The following STPG2 variants were observed in gnomAD, a reference collection of about 807,000 sequenced individuals.
STPG2 encodes sperm-tail PG-rich repeat-containing protein 2.
STPG2 carries 56 observed loss-of-function variants against 54.2 expected under a neutral mutation model. That is an observed-to-expected ratio of 1.03 (90% CI 0.83 to 1.29). STPG2 has a LOEUF of 1.29. Ranked by LOEUF, STPG2 falls within the 50% of genes most tolerant of loss-of-function variation. The pLI, the probability that STPG2 is intolerant of heterozygous loss-of-function variation, is 0.00. For missense variants in STPG2, 596 were observed against 544.9 expected (o/e 1.09, Z -0.93); for synonymous variants, 200 against 181.8 (o/e 1.10, Z -0.81).
intron 9 of STPG2, among the ~76,000 whole-genome samples, chr4:97,745,328 A>T (rs1004499503): frequency 5.3e-5 from 8 of 150,858 alleles, no homozygotes; most frequent in African/African-American, 1.5e-4. Context: ...CAAATCAATA[A>T]AAAGCAATTA....
At chr4:97,791,675 C>T (rs572893369) in intron 9 of STPG2, among the ~76,000 whole-genome samples, 12 of 152,022 alleles carry the variant, frequency 7.9e-5, no homozygotes, top group South Asian at 4.2e-4. Context: ...CTACTATTAT[C>T]AGGATTATTA....
intron 9 of STPG2, among the ~76,000 whole-genome samples, chr4:97,717,389 G>T (rs1724323304): frequency 6.6e-6 from 1 of 152,154 alleles, no homozygotes; most frequent in Non-Finnish European, 1.5e-5. Flanking sequence ...CTATTTTAAT[G>T]CACTCCAAAC....
chr4:97,565,586 T>TG, intron 10 of STPG2, among the ~76,000 whole-genome samples: 1 of 152,300 alleles, frequency 6.6e-6, no homozygotes. Context: ...TGGTCTTTGA[T>TG]GATGTGATGT....
At chr4:98,023,214 T>A (rs1736288214) in intron 5 of STPG2, among the ~76,000 whole-genome samples, 5 of 152,212 alleles carry the variant, frequency 3.3e-5, no homozygotes, top group Admixed American at 1.3e-4. Flanking sequence ...GTCCTTTCTG[T>A]TTGTTAGTTT....
intron 7 of STPG2, among the ~76,000 whole-genome samples, chr4:97,971,342 C>T (rs945340427): frequency 1.3e-5 from 2 of 152,264 alleles, no homozygotes; most frequent in African/African-American, 4.8e-5. Context: ...ACTATAAAGA[C>T]ACATGCACAC....
intron 8 of STPG2, among the ~76,000 whole-genome samples, chr4:97,908,087 C>T (rs1243083366): frequency 6.6e-6 from 1 of 151,454 alleles, no homozygotes; most frequent in Non-Finnish European, 1.5e-5. Flanking sequence ...AGGCAACCTA[C>T]AAAATGGGAG....
At chr4:97,921,041 C>A (rs944043721) in intron 8 of STPG2, among the ~76,000 whole-genome samples, 2 of 152,116 alleles carry the variant, frequency 1.3e-5, no homozygotes, top group African/African-American at 4.8e-5. Context: ...CATTACAGCA[C>A]CTGGGTGTAA....
chr4:97,899,719 G>A (rs2149184330), intron 8 of STPG2, among the ~76,000 whole-genome samples: 1 of 152,074 alleles, frequency 6.6e-6, no homozygotes, highest in Middle Eastern at 3.4e-3. Flanking sequence ...CATGCAATGG[G>A]GAAAATAATC....
At chr4:98,097,275 C>T (rs886142679) in intron 5 of STPG2, among the ~76,000 whole-genome samples, 5 of 152,134 alleles carry the variant, frequency 3.3e-5, no homozygotes, top group Admixed American at 6.5e-5. Context: ...AAAGATCACT[C>T]ATCATAACCA....
intron 10 of STPG2, chr4:97,633,440 T>C (rs2148935288): frequency 6.6e-6 from 1 of 152,190 alleles, no homozygotes; most frequent in Non-Finnish European, 1.5e-5. Context: ...TGTTTATAAA[T>C]GAAACATAAA....
intron 4 of STPG2, chr4:97,463,622 G>T (rs181733706): frequency 6.6e-6 from 1 of 151,972 alleles, no homozygotes; most frequent in Admixed American, 6.6e-5. Context: ...GCTAATTTTC[G>T]TATTTTCAGT....
intron 9 of STPG2, among the ~76,000 whole-genome samples, chr4:97,823,518 C>G (rs1386825144): frequency 6.6e-6 from 1 of 152,196 alleles, no homozygotes; most frequent in Non-Finnish European, 1.5e-5. Context: ...TACTCATTGA[C>G]AGCTGTTCTG....
chr4:97,861,989 C>T lies in STPG2; in HGVS notation c.1045-21057G>A, dbSNP rs1294954276. 3.3e-5 allele frequency among the ~76,000 whole-genome samples: 5 copies of T among 151,926 alleles called. 1 individual carries two copies. The South Asian group carries it at 8.4e-4, about 25-fold the overall frequency. On this transcript the variant is annotated intron_variant, in intron 8 of 10. Transcript: ENST00000295268. Reference sequence around the variant, plus strand: ...AAACATGCCAAATTGTAAAGACCATCGAGGCTAGGAAGAAACTGCATCAAC... The same window carrying T: ...AAACATGCCAAATTGTAAAGACCATTGAGGCTAGGAAGAAACTGCATCAAC...
At chr4:97,719,846 A>G (rs915212947) in intron 9 of STPG2, among the ~76,000 whole-genome samples, 2 of 151,992 alleles carry the variant, frequency 1.3e-5, no homozygotes, top group Non-Finnish European at 2.9e-5. Context: ...AAATAGATGG[A>G]TTGAAGTCGC....
chr4:97,627,805 A>G (rs1734172798), intron 10 of STPG2, among the ~76,000 whole-genome samples: 1 of 152,140 alleles, frequency 6.6e-6, no homozygotes, highest in African/African-American at 2.4e-5. Flanking sequence ...AAGTACCATG[A>G]TCTGCTGTCT....
intron 10 of STPG2, among the ~76,000 whole-genome samples, chr4:97,708,002 T>A (rs1724001813): frequency 6.6e-6 from 1 of 151,944 alleles, no homozygotes; most frequent in Non-Finnish European, 1.5e-5. Flanking sequence ...AGCAAATGAG[T>A]GGTTATGTTG....
At chr4:98,074,906 T>A (rs1018572032) in intron 5 of STPG2, among the ~76,000 whole-genome samples, 1 of 152,102 alleles carries the variant, frequency 6.6e-6, no homozygotes, top group Non-Finnish European at 1.5e-5. Flanking sequence ...TCTGGTGTCT[T>A]CCTGGATTAT....
intron 9 of STPG2, among the ~76,000 whole-genome samples, chr4:97,740,207 C>T (rs577477172): frequency 1.5e-4 from 23 of 152,104 alleles, no homozygotes; most frequent in Non-Finnish European, 1.2e-4. Context: ...ATTGATGGGA[C>T]GTATCTCAAA....
At chr4:97,939,567 C>A (rs1418710181) in intron 8 of STPG2, among the ~76,000 whole-genome samples, 1 of 152,154 alleles carries the variant, frequency 6.6e-6, no homozygotes, top group East Asian at 1.9e-4. Context: ...CCTTCTTTGT[C>A]ATTTCTGATC....
Sources: gnomAD v4.1 joint callset for allele counts (sites outside exome capture counted in the v4.1 genomes callset) on GRCh38, gnomAD v4.1.1 for gene constraint, MANE v1.5 for transcripts, NCBI Gene and HGNC (gene_info 2026-07-23, HGNC 2026-07-21) for gene names.